Variants in NPLOC4 observed in about 807,000 individuals in gnomAD.
NPLOC4 encodes the protein nuclear protein localization protein 4 homolog.
NPLOC4 carries 18 observed loss-of-function variants against 80.6 expected under a neutral mutation model. The observed-to-expected ratio is 0.22, with a 90% CI of 0.15 to 0.33. NPLOC4 has a LOEUF of 0.33. NPLOC4 is among the 10% of genes least tolerant of loss of function. NPLOC4 has a pLI of 1.00. For missense variants in NPLOC4, 540 were observed against 786.1 expected, an observed-to-expected ratio of 0.69 and a Z score of 3.74; for synonymous variants, 313 against 301.5, an observed-to-expected ratio of 1.04 and a Z score of -0.39.
At chr17:81,636,143 G>T (rs2036065868) in intron 1 of NPLOC4, among the ~76,000 whole-genome samples, 1 of 151,922 alleles carries the variant, frequency 6.6e-6, no homozygotes, top group Admixed American at 6.6e-5. Context: ...CTAATTTTTT[G>T]TATTTTTAGT....
intron 7 of NPLOC4, among the ~76,000 whole-genome samples, chr17:81,605,901 A>G (rs1468380195): frequency 2.0e-5 from 3 of 150,154 alleles, no homozygotes; most frequent in African/African-American, 7.4e-5. Context: ...GGCTCACTGC[A>G]ACCTCTGCCT....
rs775748101 is a variant in NPLOC4, at chr17:81,570,829, C to A, written c.1353+1188G>T. ...CACCTGCTCTCAAGGACTCCCCATG[C>A]CTCACTTCCACAGGGTCAAGGAGCC... On this transcript the variant is annotated intron_variant, in intron 13 of 16. Transcript: ENST00000331134. 2.0e-5 allele frequency among the ~76,000 whole-genome samples: 3 copies of A among 152,206 alleles called. No individual in the cohort carries two copies. The East Asian group carries it at 5.8e-4, about 29-fold the overall frequency.
chr17:81,597,960 T>C (rs2034962144), intron 9 of NPLOC4, among the ~76,000 whole-genome samples: 1 of 151,014 alleles, frequency 6.6e-6, no homozygotes, highest in African/African-American at 2.4e-5. Context: ...CCGGGCGTGG[T>C]GGCGGGTGCC....
rs189687475 is a variant in NPLOC4 at position 81,580,888 on chromosome 17, G to A, written c.1281+8056C>T. On this transcript the variant is annotated intron_variant, in intron 12 of 16. Coordinates refer to ENST00000331134, the MANE Select transcript of NPLOC4 (RefSeq NM_017921.4). This position sits in a 1 kb window ranked among gnomAD's most constrained non-coding sequence, Gnocchi z 4.4. ...CCAAACACAACAGCTCTCGCTCCCCGCTCAGCTCTGAAGGGCCCAGGGCCA... is the reference window on the plus strand; with the variant it reads ...CCAAACACAACAGCTCTCGCTCCCCACTCAGCTCTGAAGGGCCCAGGGCCA... Among the ~76,000 whole-genome samples, 70 of 152,278 alleles carry A rather than the reference G, an allele frequency of 4.6e-4. No individual in the cohort carries two copies. Among genetic ancestry groups the A allele is most frequent in the African/African-American group, 1.6e-3 (66 of 41,562 alleles).
intron 12 of NPLOC4, among the ~76,000 whole-genome samples, chr17:81,584,562 G>C (rs942888546): frequency 6.6e-6 from 1 of 152,228 alleles, no homozygotes; most frequent in African/African-American, 2.4e-5. Context: ...ACTGTCATGA[G>C]TGCTGTTTGG....
Position 81,561,177 on chromosome 17 carries a change from C to T in NPLOC4, c.1670-1761G>A, listed in dbSNP as rs933817982. 5.3e-5 allele frequency among the ~76,000 whole-genome samples: 8 copies of T among 152,226 alleles called. No homozygotes were observed. In the East Asian group the frequency reaches 1.5e-3, roughly 29 times the overall value. ...TTTCACCATGTTGGCCTGGCTGTCT[C>T]GAACTCCTGACCTCAAATGATCCAC... On this transcript the variant is annotated intron_variant, in intron 16 of 16. Transcript: ENST00000331134.
intron 13 of NPLOC4, among the ~76,000 whole-genome samples, chr17:81,570,221 G>C (rs117902872): frequency 6.6e-6 from 1 of 152,360 alleles, no homozygotes; most frequent in East Asian, 1.9e-4. Context: ...GCGGTGCCAC[G>C]TGTCGGCTAC....
At chr17:81,591,193 G>C (rs535877873) in intron 11 of NPLOC4, among the ~76,000 whole-genome samples, 1 of 152,114 alleles carries the variant, frequency 6.6e-6, no homozygotes, top group East Asian at 1.9e-4. Flanking sequence ...CCAGCACTTT[G>C]GGAGGCCGAG....
intron 3 of NPLOC4, among the ~76,000 whole-genome samples, chr17:81,618,805 T>C (rs1047613615): frequency 4.3e-4 from 65 of 152,138 alleles, no homozygotes; most frequent in African/African-American, 1.2e-3. Flanking sequence ...GGATGGTTGC[T>C]GTGTCTGTGT....
rs759756361 is a variant in NPLOC4, at chr17:81,558,693, G to A, written c.*566C>T. The A allele has an allele frequency of 2.0e-5, 3 of 152,402 alleles. No individual in the cohort carries two copies. The highest frequency in any genetic ancestry group is 6.5e-5 in the Admixed American group (1 of 15,288). 9.4% of individuals were successfully genotyped at this position (152,402 alleles called of 1,614,324 possible). A position where few individuals can be genotyped will look rare whatever the true frequency, so the allele number is the denominator to read the frequency against. ...GACATCGGGTGAGAGGAGGAGGGCA[G>A]GCAGCAAACCGACCTGCAGACCTGC... On this transcript the variant is annotated 3_prime_UTR_variant, in exon 17 of 17. Coordinates refer to ENST00000331134, the MANE Select transcript of NPLOC4 (RefSeq NM_017921.4).
rs200897859 is a variant in NPLOC4 at position 81,631,437 on chromosome 17, T to TATA, written c.16-1633_16-1632insTAT. Reference sequence around the variant, plus strand: ...TAAAGTGTACATATATATATATATATTTTTTTTTTTTTTTTTTTTTTTTTT... The same window carrying TATA: ...TAAAGTGTACATATATATATATATATATATTTTTTTTTTTTTTTTTTTTTTTTT... On this transcript the variant is annotated intron_variant, in intron 1 of 16. Transcript: ENST00000331134. 8.7e-3 allele frequency among the ~76,000 whole-genome samples: 371 copies of TATA among 42,834 alleles called. 7 individuals are homozygous for TATA. Among genetic ancestry groups the TATA allele is most frequent in the South Asian group, 0.041 (37 of 892 alleles). The allele number at this position is 42,834 out of a possible 152,430, so 28.1% of individuals were successfully genotyped here.
chr17:81,600,006 C>T (rs568667439), intron 9 of NPLOC4, among the ~76,000 whole-genome samples: 76 of 152,060 alleles, frequency 5.0e-4, no homozygotes, highest in Non-Finnish European at 7.4e-4. Flanking sequence ...GAGGAGCCAG[C>T]AGGGGTGCGG....
At chr17:81,560,796 G>C (rs549779424) in intron 16 of NPLOC4, 1 of 152,196 alleles carries the variant, frequency 6.6e-6, no homozygotes, top group African/African-American at 2.4e-5. Context: ...CACAGTTCTC[G>C]CGAGGGTGGC....
At chr17:81,634,520 G>A (rs1465539377) in intron 1 of NPLOC4, among the ~76,000 whole-genome samples, 1 of 151,442 alleles carries the variant, frequency 6.6e-6, no homozygotes, top group Non-Finnish European at 1.5e-5. Context: ...AAAGTACAAA[G>A]GTAGTTTGAA....
chr17:81,576,053 T>C (rs1052409979), intron 12 of NPLOC4, among the ~76,000 whole-genome samples: 29 of 152,128 alleles, frequency 1.9e-4, no homozygotes, highest in African/African-American at 6.0e-4. Context: ...AACAAAGGAA[T>C]AGATTGTAGG....
chr17:81,568,335 C>T lies in NPLOC4; in HGVS notation c.1449+681G>A, dbSNP rs62073399. 3.7e-3 allele frequency among the ~76,000 whole-genome samples: 570 copies of T among 152,310 alleles called. 5 individuals are homozygous for T. The highest frequency in any genetic ancestry group is 0.017 in the Middle Eastern group (5 of 294). On this transcript the variant is annotated intron_variant, in intron 14 of 16. Coordinates refer to ENST00000331134, the MANE Select transcript of NPLOC4 (RefSeq NM_017921.4). ...AACACAGAGCTTCAAGAGTGCACCC[C>T]AATAACTGGCTTTGCACCTCTGTGA...
intron 11 of NPLOC4, among the ~76,000 whole-genome samples, chr17:81,589,665 A>C (rs1038777790): frequency 6.6e-6 from 1 of 152,036 alleles, no homozygotes; most frequent in Non-Finnish European, 1.5e-5. Flanking sequence ...CACTAAGGAC[A>C]TGCTCTATGA....
Position 81,613,411 on chromosome 17 carries a change from T to A in NPLOC4, c.293A>T (p.Lys98Ile). The A allele has an allele frequency of 6.2e-7, 1 of 1,613,954 alleles. No homozygotes were observed. The stretch of plus-strand genomic sequence containing the variant: ...CACCACGTTGGGAGCGCCAAAGACT[T>A]TGAAGCCCGGTGGAACTGACGTCTC... ...EMETSVPPGF[K>I]VFGAPNVVED... is the part of the protein sequence containing the mutation. Residue 98 changes from lysine (K) to isoleucine (I), a missense_variant, in exon 4 of 17, where the codon AAA becomes ATA. Physicochemically the swap from Lys to Ile is moderately radical, Grantham distance 102. Coordinates refer to ENST00000331134, the MANE Select transcript of NPLOC4 (RefSeq NM_017921.4).
intron 9 of NPLOC4, among the ~76,000 whole-genome samples, chr17:81,599,303 T>A (rs529036016): frequency 1.3e-5 from 2 of 151,580 alleles, no homozygotes; most frequent in Non-Finnish European, 2.9e-5. Context: ...AAAAATAAAA[T>A]AAAATAAAAA....
Sources: allele counts gnomAD v4.1 joint callset (sites outside exome capture counted in the v4.1 genomes callset), GRCh38; gene constraint gnomAD v4.1.1; non-coding constraint Gnocchi (gnomAD v3.1); transcripts MANE v1.5; gene names NCBI Gene and HGNC (gene_info 2026-07-23, HGNC 2026-07-21).